The following PHF23 variants were observed in gnomAD, a reference collection of about 807,000 sequenced individuals.
PHF23 encodes the protein PHD finger protein 23, also known as PDH-containing protein JUNE-1.
Under a neutral mutation model 36.0 loss-of-function variants are expected in PHF23, and 3 were observed. That is an observed-to-expected ratio of 0.08 (90% confidence interval 0.04 to 0.22). PHF23 has a LOEUF of 0.22. Ranked by LOEUF, PHF23 falls within the 10% of genes least tolerant of loss-of-function variation. The pLI is 1.00. For synonymous variants in PHF23, 242 were observed against 192.5 expected (o/e 1.26, Z -2.13); for missense variants, 475 against 513.6 (o/e 0.92, Z 0.73).
chr17:7,238,813 G>T, intron 1 of PHF23: 1 of 1,532,550 alleles, frequency 6.5e-7, no homozygotes, highest in Non-Finnish European at 8.7e-7. Flanking sequence ...GGCATTCTCC[G>T]GCGGCAACTA....
chr17:7,238,389 C>A, intron 1 of PHF23: 1 of 332,434 alleles, frequency 3.0e-6, no homozygotes, highest in South Asian at 1.2e-4. Context: ...GGGCTCCCCA[C>A]CGGGCCCCCC....
At chr17:7,237,532 T>A (rs1597564963) in intron 2 of PHF23, 55 bp from the exon 3 acceptor site, 1 of 1,600,604 alleles carries the variant, frequency 6.2e-7, no homozygotes, top group Non-Finnish European at 8.5e-7. Context: ...AAGAATGGCA[T>A]TCCCAGAAAC....
intron 1 of PHF23, chr17:7,238,496 TC>T: frequency 8.3e-6 from 5 of 599,118 alleles, no homozygotes; most frequent in Non-Finnish European, 9.8e-6. Flanking sequence ...TCTGGCCCCT[TC>T]CCCCCAACCA....
At chr17:7,238,997 GA>G (rs1285586303) in intron 1 of PHF23, 1 of 1,449,474 alleles carries the variant, frequency 6.9e-7, no homozygotes, top group Non-Finnish European at 9.1e-7. Flanking sequence ...CCTAACCCCC[GA>G]GGCTCCGGGT....
intron 1 of PHF23, 113 bp downstream of exon 1, chr17:7,239,133 G>T: frequency 9.8e-7 from 1 of 1,019,352 alleles, no homozygotes; most frequent in Non-Finnish European, 1.5e-6. Context: ...CCAGCCTCCC[G>T]ACCCCCTCCC....
At position 7,236,848 on chromosome 17, in the gene PHF23, G is replaced by T; in HGVS notation, c.160-81C>A. The T allele has an allele frequency of 6.6e-7, 1 of 1,509,314 alleles. No homozygotes were observed. The highest frequency in any genetic ancestry group is 1.3e-5 in the South Asian group (1 of 75,474). 93.5% of individuals were successfully genotyped at this position (1,509,314 alleles called of 1,614,324 possible). On this transcript the variant is annotated intron_variant, in intron 3 of 4. Transcript: ENST00000320316. This position sits in a 1 kb window ranked among gnomAD's most constrained non-coding sequence, Gnocchi z 5.1. ...CCACAAACCCAGCTTGAAAAGGAGT[G>T]ACTGGATTTACCCCAAAATGTCCTA...
At chr17:7,237,300 A>C (rs1192637660) in intron 3 of PHF23, 85 bp downstream of exon 3, 1 of 1,196,180 alleles carries the variant, frequency 8.4e-7, no homozygotes, top group Non-Finnish European at 1.2e-6. Flanking sequence ...GCCTCCTTCT[A>C]TAAAGCAATA....
Position 7,235,428 on chromosome 17 carries a change from A to C in PHF23, c.*198T>G, listed in dbSNP as rs2071636836. 1 of 608,638 alleles carries C rather than the reference A, an allele frequency of 1.6e-6. No homozygotes were observed. 37.7% of individuals were successfully genotyped at this position (608,638 alleles called of 1,614,324 possible). A position where few individuals can be genotyped will look rare whatever the true frequency, so the allele number is the denominator to read the frequency against. On this transcript the variant is annotated 3_prime_UTR_variant, in exon 5 of 5. Transcript: ENST00000320316. ...AGCCTCCCATCCCCAACCGTAATGG[A>C]TTCAATTTCAAGTCCACAGAGTGGG...
In PHF23 at chr17:7,235,523, A is replaced by C; in HGVS notation, c.*103T>G. 1 of 1,171,430 alleles carries C rather than the reference A, an allele frequency of 8.5e-7. No homozygotes were observed. Among genetic ancestry groups the C allele is most frequent in the Non-Finnish European group, 1.2e-6 (1 of 809,098 alleles). The allele number at this position is 1,171,430 out of a possible 1,614,324, so 72.6% of individuals were successfully genotyped here. ...GTCTCCCTTGAGAATTCCTGCCTTG[A>C]AGTGCAGACAGTATCCAAGCTCCAG... is the stretch of plus-strand genomic sequence containing the variant. On this transcript the variant is annotated 3_prime_UTR_variant, in exon 5 of 5. Coordinates refer to ENST00000320316, the MANE Select transcript of PHF23 (RefSeq NM_024297.3).
intron 1 of PHF23, 135 bp from the exon 2 acceptor site, chr17:7,237,795 G>A: frequency 4.8e-6 from 5 of 1,035,882 alleles, no homozygotes; most frequent in Non-Finnish European, 5.8e-6. Context: ...CCCCAGCTGT[G>A]TTGGATCCGC....
rs1242106917 is a variant in PHF23 at position 7,236,068 on chromosome 17, T to A, written c.859A>T (p.Thr287Ser). Reference sequence around the variant, plus strand: ...GGAGGGACTCCTTCAGGGTGCACTGTGGCAGGGGGCCTAGGAGCCTCAGGG... The same window carrying A: ...GGAGGGACTCCTTCAGGGTGCACTGAGGCAGGGGGCCTAGGAGCCTCAGGG... The part of the protein sequence containing the change: ...TPPEAPRPPA[T>S]VHPEGVPPAD... The change falls in exon 4 of 5, where the codon ACA becomes TCA. Residue 287 changes from threonine to serine, a missense_variant. This residue lies in a region of PHF23 where 350 missense variants were observed against 319.8 expected (regional missense o/e 1.09). Transcript: ENST00000320316. This position sits in a 1 kb window ranked among gnomAD's most constrained non-coding sequence, Gnocchi z 5.1. The A allele has an allele frequency of 6.2e-7, 1 of 1,613,898 alleles. No homozygotes were observed. The highest frequency in any genetic ancestry group is 1.3e-5 in the African/African-American group (1 of 75,060).
intron 1 of PHF23, 161 bp from the exon 2 acceptor site, chr17:7,237,821 C>G (rs77234976): frequency 0.14 from 114,625 of 798,022 alleles, 9,562 homozygotes; most frequent in Middle Eastern, 0.22. Context: ...CTCCCCCTTC[C>G]GCCCCGCGAG....
chr17:7,237,248 AAG>A, intron 3 of PHF23, 135 bp downstream of exon 3: 2 of 803,270 alleles, frequency 2.5e-6, no homozygotes, highest in Non-Finnish European at 4.1e-6. Context: ...CCACAGCCCT[AAG>A]AGTCTCCAAC....
In PHF23 at chr17:7,236,715, G is replaced by A. The variant is rs563385673; in HGVS notation, c.212C>T (p.Ala71Val). 2.0e-5 allele frequency: 32 copies of A among 1,613,736 alleles called. No individual in the cohort carries two copies. In the Admixed American group the frequency reaches 2.5e-4, roughly 13 times the overall value. The change falls in exon 4 of 5, where the codon GCG (alanine) becomes GTG (valine). Residue 71 changes from alanine (A) to valine (V), a missense_variant. Physicochemically the swap from Ala to Val is moderately conservative, Grantham distance 64. Coordinates refer to ENST00000320316, the MANE Select transcript of PHF23 (RefSeq NM_024297.3). This position sits in a 1 kb window ranked among gnomAD's most constrained non-coding sequence, Gnocchi z 5.1. ...GSSSPLRGES[A>V]ADSDGWDSAP... ...CGAGTCCCAGCCATCACTGTCGGCC[G>A]CACTCTCTCCTCGCAATGGAGAGCT...
At chr17:7,240,699 C>T, upstream of PHF23, 2 of 627,172 alleles carry the variant, frequency 3.2e-6, no homozygotes, top group Non-Finnish European at 5.8e-6. Context: ...ATTACCCCTC[C>T]TAAGAGAGGC....
chr17:7,237,892 C>T (rs947230850), intron 1 of PHF23: 95 of 559,036 alleles, frequency 1.7e-4, no homozygotes, highest in African/African-American at 7.6e-5. Flanking sequence ...TTCCCCCAAC[C>T]GGAGGCCCGG....
In PHF23 at chr17:7,237,469, C is replaced by T. The variant is rs764218712; in HGVS notation, c.75G>A (p.Glu25=). The T allele has an allele frequency of 3.7e-6, 6 of 1,614,052 alleles. No homozygotes were observed. The highest frequency in any genetic ancestry group is 5.1e-6 in the Non-Finnish European group (6 of 1,179,964). The change falls in exon 3 of 5, where the codon GAG becomes GAA. Residue 25 remains glutamate, a synonymous_variant. Coordinates refer to ENST00000320316, the MANE Select transcript of PHF23 (RefSeq NM_024297.3). ...PTLKPETQPP[E]KRRRTIEDFN... ...AATCCTCAATTGTTCTCCGCCGTTT[C>T]TCTGGTGGCTGAAAGGAAGGAGATA...
Position 7,236,574 on chromosome 17 carries a change from C to T in PHF23, c.353G>A (p.Arg118His), listed in dbSNP as rs533278658. ...GGTAGCACTGTCGGGGGCCTGCAGA[C>T]GAGAGAAAGTGGACCTTGGGGGTCC... is the stretch of plus-strand genomic sequence containing the variant. ...QPGPPRSTFSRLQAPDSATLL... is the reference protein window; with the variant it reads ...QPGPPRSTFSHLQAPDSATLL... The change falls in exon 4 of 5, where the codon CGT becomes CAT. Residue 118 changes from arginine to histidine, a missense_variant. By Grantham distance (29) the Arg-to-His change is conservative. Coordinates refer to ENST00000320316, the MANE Select transcript of PHF23 (RefSeq NM_024297.3). This position sits in a 1 kb window ranked among gnomAD's most constrained non-coding sequence, Gnocchi z 5.1. 28 of 1,614,152 alleles carry T rather than the reference C, an allele frequency of 1.7e-5. No individual in the cohort carries two copies. The African/African-American group carries it at 1.9e-4, about 11-fold the overall frequency.
In PHF23 at chr17:7,236,717, A is replaced by G. The variant is rs765222653; in HGVS notation, c.210T>C (p.Ser70=). The G allele has an allele frequency of 4.3e-6, 7 of 1,613,590 alleles. No individual in the cohort carries two copies. The highest frequency in any genetic ancestry group is 1.1e-5 in the South Asian group (1 of 91,064). The change falls in exon 4 of 5, where the codon AGT becomes AGC. Residue 70 remains serine, a synonymous_variant. Coordinates refer to ENST00000320316, the MANE Select transcript of PHF23 (RefSeq NM_024297.3). The surrounding 1 kb of genome is among the most constrained non-coding windows in gnomAD (Gnocchi z 5.1). Reference sequence around the variant, plus strand: ...AGTCCCAGCCATCACTGTCGGCCGCACTCTCTCCTCGCAATGGAGAGCTGG... The same window carrying G: ...AGTCCCAGCCATCACTGTCGGCCGCGCTCTCTCCTCGCAATGGAGAGCTGG... ...SGSSSPLRGE[S]AADSDGWDSA...
Sources: allele counts gnomAD v4.1 joint callset, GRCh38; gene constraint gnomAD v4.1.1; regional missense constraint gnomAD v4.1.1; non-coding constraint Gnocchi (gnomAD v3.1); transcripts MANE v1.5; gene names NCBI Gene and HGNC (gene_info 2026-07-23, HGNC 2026-07-21).